Variants in CCSER1 observed in about 807,000 individuals in gnomAD.
The protein encoded by CCSER1 is coiled-coil serine rich protein 1, also known as serine-rich coiled-coil domain-containing protein 1.
In CCSER1, 41 loss-of-function variants were observed where a neutral mutation model predicts 82.0. The ratio of observed to expected loss-of-function variants is 0.50; its 90% CI spans 0.39 to 0.65. The LOEUF (loss-of-function observed/expected upper bound fraction) is 0.65, where lower values mean the gene tolerates loss of function less well. Ranked by LOEUF, CCSER1 falls within the 30% of genes least tolerant of loss-of-function variation. The pLI is 0.00. For missense variants in CCSER1, 1,119 were observed against 1,064.2 expected (o/e 1.05, Z -0.72); for synonymous variants, 414 against 383.9 (o/e 1.08, Z -0.92).
intron 10 of CCSER1, among the ~76,000 whole-genome samples, chr4:91,263,301 C>T (rs1741332027): frequency 6.6e-6 from 1 of 151,978 alleles, no homozygotes; most frequent in Admixed American, 6.5e-5. Flanking sequence ...ACGTTTTCTA[C>T]TTGATATGGT....
chr4:90,827,101 T>C (rs188546109), intron 8 of CCSER1, among the ~76,000 whole-genome samples: 1 of 152,216 alleles, frequency 6.6e-6, no homozygotes, highest in Non-Finnish European at 1.5e-5. Context: ...AAGTCACAGA[T>C]AGAAGGCTAC....
At chr4:91,115,332 T>G (rs1300146953) in intron 10 of CCSER1, among the ~76,000 whole-genome samples, 1 of 152,116 alleles carries the variant, frequency 6.6e-6, no homozygotes, top group Non-Finnish European at 1.5e-5. Context: ...TTTTCTTTCT[T>G]TTTTTTCTTT....
At chr4:91,186,223 C>A (rs965986359) in intron 10 of CCSER1, among the ~76,000 whole-genome samples, 1 of 151,982 alleles carries the variant, frequency 6.6e-6, no homozygotes. Context: ...TAGGGATGAA[C>A]CTCTCCTTCC....
intron 10 of CCSER1, among the ~76,000 whole-genome samples, chr4:91,208,560 C>A (rs1736538589): frequency 6.6e-6 from 1 of 151,642 alleles, no homozygotes; most frequent in East Asian, 1.9e-4. Context: ...TATTTTTGGG[C>A]TCTCCATTTT....
Position 91,192,944 on chromosome 4 carries a change from C to T in CCSER1, c.2217+106950C>T, listed in dbSNP as rs142814197. Among the ~76,000 whole-genome samples the T allele has an allele frequency of 4.6e-4, 70 of 152,184 alleles. No individual in the cohort carries two copies. In the East Asian group the frequency reaches 0.013, roughly 28 times the overall value. The stretch of plus-strand genomic sequence containing the variant: ...TTTTCCTGACTGAAATGTCATTTCC[C>T]TCATGTCAACCTCCCACAGCCTTTA... On this transcript the variant is annotated intron_variant, in intron 10 of 10. Coordinates refer to ENST00000509176, the MANE Select transcript of CCSER1 (RefSeq NM_001145065.2).
At chr4:91,079,583 A>G (rs1376592962) in intron 9 of CCSER1, among the ~76,000 whole-genome samples, 1 of 152,220 alleles carries the variant, frequency 6.6e-6, no homozygotes, top group Non-Finnish European at 1.5e-5. Flanking sequence ...TGAATCTTAA[A>G]TGTAAATGGG....
intron 5 of CCSER1, among the ~76,000 whole-genome samples, chr4:90,611,059 C>CTTTTCTTT (rs1303751301): frequency 9.6e-5 from 9 of 93,808 alleles, no homozygotes; most frequent in Admixed American, 2.4e-4. Context: ...CTTTTCTTTT[C>CTTTTCTTT]TTTTTTTTTT....
chr4:90,486,112 C>G (rs2153601501), intron 5 of CCSER1, among the ~76,000 whole-genome samples: 1 of 152,250 alleles, frequency 6.6e-6, no homozygotes, highest in South Asian at 2.1e-4. Flanking sequence ...CCTTGATAGT[C>G]AAATAAAACA....
intron 8 of CCSER1, among the ~76,000 whole-genome samples, chr4:90,873,140 A>G (rs1766777620): frequency 6.6e-6 from 1 of 151,838 alleles, no homozygotes; most frequent in African/African-American, 2.4e-5. Flanking sequence ...GTTCTTTGTT[A>G]TTATCTTTTG....
At chr4:91,174,108 A>C (rs1224064915) in intron 10 of CCSER1, among the ~76,000 whole-genome samples, 2 of 152,220 alleles carry the variant, frequency 1.3e-5, no homozygotes, top group African/African-American at 4.8e-5. Flanking sequence ...ATTTGAAAAG[A>C]GTAAGTACTA....
intron 1 of CCSER1, among the ~76,000 whole-genome samples, chr4:90,248,890 G>C (rs1297066499): frequency 6.6e-6 from 1 of 151,902 alleles, no homozygotes; most frequent in Admixed American, 6.6e-5. Flanking sequence ...TGTAGAGACA[G>C]GGTTTCACCA....
In CCSER1 at chr4:90,856,954, T is replaced by C. The variant is rs1269009415; in HGVS notation, c.2094+41109T>C. ...CTGGATTTTTTTTTTTTTTTAAGAC[T>C]ACAATGTTTTGGTCTTAGACTTTTT... On this transcript the variant is annotated intron_variant, in intron 8 of 10. Coordinates refer to ENST00000509176, the MANE Select transcript of CCSER1 (RefSeq NM_001145065.2). Among the ~76,000 whole-genome samples, 9 of 151,522 alleles carry C rather than the reference T, an allele frequency of 5.9e-5. No homozygotes were observed. In the East Asian group the frequency reaches 1.8e-3, roughly 30 times the overall value.
chr4:91,580,303 A>C lies in CCSER1; in HGVS notation c.2218-18269A>C, dbSNP rs556887003. Among the ~76,000 whole-genome samples the C allele has an allele frequency of 1.1e-4, 16 of 151,948 alleles. 1 individual carries two copies. In the South Asian group the frequency reaches 3.3e-3, roughly 31 times the overall value. On this transcript the variant is annotated intron_variant, in intron 10 of 10. Coordinates refer to ENST00000509176, the MANE Select transcript of CCSER1 (RefSeq NM_001145065.2). ...TCATGTCCCTGCTCACTATGTTGAC[A>C]TTCTTCTATACAGTAACCATCAGCC...
intron 10 of CCSER1, among the ~76,000 whole-genome samples, chr4:91,162,125 G>T (rs1282628513): frequency 6.6e-6 from 1 of 152,146 alleles, no homozygotes; most frequent in Non-Finnish European, 1.5e-5. Context: ...AGTTTATTGA[G>T]AGTTTTTAGC....
At chr4:90,533,093 T>A (rs1022232301) in intron 5 of CCSER1, among the ~76,000 whole-genome samples, 1 of 139,830 alleles carries the variant, frequency 7.2e-6, no homozygotes, top group African/African-American at 2.7e-5. Context: ...GGTTTTTTTT[T>A]TTTTTTTTTT....
At chr4:90,941,610 T>G (rs1398405636) in intron 9 of CCSER1, among the ~76,000 whole-genome samples, 1 of 152,190 alleles carries the variant, frequency 6.6e-6, no homozygotes, top group Admixed American at 6.5e-5. Context: ...TATTTTGAGC[T>G]TACTTCTCCT....
chr4:91,556,264 A>C (rs6822644), intron 10 of CCSER1, among the ~76,000 whole-genome samples: 82,088 of 150,042 alleles, frequency 0.55, 22,951 homozygotes, highest in East Asian at 0.61. Flanking sequence ...ACTTTCATTT[A>C]AAGTGAAATA....
intron 1 of CCSER1, among the ~76,000 whole-genome samples, chr4:90,173,001 C>G (rs1189755227): frequency 6.6e-6 from 1 of 151,652 alleles, no homozygotes; most frequent in African/African-American, 2.4e-5. Context: ...GTATCAATTA[C>G]AGATAGATAA....
intron 8 of CCSER1, among the ~76,000 whole-genome samples, chr4:90,855,942 T>C (rs989633157): frequency 2.6e-5 from 4 of 151,914 alleles, no homozygotes; most frequent in Non-Finnish European, 5.9e-5. Context: ...TCATTGAACA[T>C]TTTTTTTCAG....
Sources: gnomAD v4.1 joint callset for allele counts (sites outside exome capture counted in the v4.1 genomes callset) on GRCh38, gnomAD v4.1.1 for gene constraint, MANE v1.5 for transcripts, NCBI Gene and HGNC (gene_info 2026-07-23, HGNC 2026-07-21) for gene names.